Variants in SLC25A27 observed in about 807,000 individuals in gnomAD.
The protein encoded by SLC25A27 is solute carrier family 25 member 27.
SLC25A27 carries 35 observed loss-of-function variants against 49.1 expected under a neutral mutation model. That is an observed-to-expected ratio of 0.71 (90% CI 0.54 to 0.95). The LOEUF is 0.95. SLC25A27 is among the 40% of genes least tolerant of loss of function. The pLI, the probability that SLC25A27 is intolerant of heterozygous loss-of-function variation, is 0.00. For synonymous variants in SLC25A27, 144 were observed against 136.9 expected, an observed-to-expected ratio of 1.05 and a Z score of -0.36; for missense variants, 339 against 397.1, an observed-to-expected ratio of 0.85 and a Z score of 1.24.
intron 8 of SLC25A27, among the ~76,000 whole-genome samples, chr6:46,675,612 C>A (rs1199230267): frequency 6.6e-6 from 1 of 152,196 alleles, no homozygotes; most frequent in Non-Finnish European, 1.5e-5. Flanking sequence ...GAGCTACTCT[C>A]TGTTCAATTT....
intron 2 of SLC25A27, among the ~76,000 whole-genome samples, chr6:46,657,160 C>CATATTTCTAAAAAT (rs1763012114): frequency 1.3e-5 from 2 of 152,064 alleles, no homozygotes; most frequent in African/African-American, 4.8e-5. Flanking sequence ...AACAAGACCC[C>CATATTTCTAAAAAT]ATCTCTAAAA....
Position 46,664,844 on chromosome 6 carries a change from TG to T in SLC25A27, c.580del (p.Val194TyrfsTer10). 6.2e-7 allele frequency: 1 copy of T among 1,608,320 alleles called. No homozygotes were observed. The highest frequency in any genetic ancestry group is 8.5e-7 in the Non-Finnish European group (1 of 1,176,890). ...AGGAATACGAGGGCTTTGGGCAGGC[TG>T]GGTACCCAATATACAAAGAGCAGCA... ...EGGIRGLWAG[W>X]VPNIQRAALV... is the part of the protein sequence containing the mutation. On this transcript the variant is annotated frameshift_variant, in exon 5 of 9. Coordinates refer to ENST00000371347, the MANE Select transcript of SLC25A27 (RefSeq NM_004277.5). LOFTEE classifies it high-confidence loss of function.
intron 7 of SLC25A27, 129 bp from the exon 8 acceptor site, chr6:46,670,997 T>C (rs1366177707): frequency 3.3e-6 from 2 of 598,344 alleles, no homozygotes; most frequent in Non-Finnish European, 5.8e-6. Flanking sequence ...CCCAAAGTGC[T>C]GGGATTACAG....
At chr6:46,664,419 T>C (rs1763260176) in intron 4 of SLC25A27, among the ~76,000 whole-genome samples, 1 of 152,178 alleles carries the variant, frequency 6.6e-6, no homozygotes, top group Non-Finnish European at 1.5e-5. Context: ...ACCAGTAAAA[T>C]TAACCCAGAA....
At chr6:46,672,789 T>C (rs1049422820) in intron 8 of SLC25A27, among the ~76,000 whole-genome samples, 3 of 152,334 alleles carry the variant, frequency 2.0e-5, no homozygotes, top group African/African-American at 7.2e-5. Context: ...TATTGGTCTA[T>C]GTCTTAGGAG....
chr6:46,675,958 C>T lies in SLC25A27; in HGVS notation c.901-425C>T, dbSNP rs545907274. ...AGTTCTAAAGTGACTTATTTTTATG[C>T]TCCATATACAAACTAGATATAGAAA... On this transcript the variant is annotated intron_variant, in intron 8 of 8. Coordinates refer to ENST00000371347, the MANE Select transcript of SLC25A27 (RefSeq NM_004277.5). Among the ~76,000 whole-genome samples, 4 of 152,214 alleles carry T rather than the reference C, an allele frequency of 2.6e-5. No homozygotes were observed. In the South Asian group the frequency reaches 6.2e-4, roughly 24 times the overall value.
chr6:46,670,320 T>A (rs1582513095), intron 7 of SLC25A27, 93 bp downstream of exon 7: 1 of 814,406 alleles, frequency 1.2e-6, no homozygotes, highest in East Asian at 2.9e-5. Flanking sequence ...TTGATAGAAA[T>A]GTATTTGTGT....
intron 2 of SLC25A27, among the ~76,000 whole-genome samples, chr6:46,656,973 C>T (rs1160085358): frequency 2.0e-5 from 3 of 152,120 alleles, no homozygotes; most frequent in Non-Finnish European, 4.4e-5. Context: ...CGAGACCAGC[C>T]TGAGCAAGAT....
intron 2 of SLC25A27, 49 bp downstream of exon 2, chr6:46,656,083 G>A (rs1243577993): frequency 1.3e-6 from 2 of 1,485,206 alleles, no homozygotes; most frequent in East Asian, 4.7e-5. Flanking sequence ...TTCTGTGTTT[G>A]TCTCCTGTGC....
chr6:46,674,324 A>C (rs535711772), intron 8 of SLC25A27, among the ~76,000 whole-genome samples: 2 of 152,290 alleles, frequency 1.3e-5, no homozygotes, highest in Non-Finnish European at 2.9e-5. Flanking sequence ...AGAGTATAAG[A>C]AGCTTGCCCA....
intron 1 of SLC25A27, chr6:46,654,118 G>A (rs866279594): frequency 2.0e-6 from 2 of 985,296 alleles, no homozygotes; most frequent in Middle Eastern, 5.2e-4. Context: ...TGAGCAAGTA[G>A]CGTTTATTCC....
At chr6:46,668,295 G>A (rs1053392086) in intron 5 of SLC25A27, among the ~76,000 whole-genome samples, 5 of 152,292 alleles carry the variant, frequency 3.3e-5, no homozygotes, top group African/African-American at 9.6e-5. Flanking sequence ...CCGCGATCAC[G>A]CCACTGCACT....
chr6:46,676,696 T>C lies in SLC25A27; in HGVS notation c.*242T>C, dbSNP rs2150665248. Reference sequence around the variant, plus strand: ...CATCCAATGAGACCCCGCACAGCATTTTCTAAAGAAGAATCGAAGCCTGAC... The same window carrying C: ...CATCCAATGAGACCCCGCACAGCATCTTCTAAAGAAGAATCGAAGCCTGAC... On this transcript the variant is annotated 3_prime_UTR_variant, in exon 9 of 9. Transcript: ENST00000371347. 6.4e-7 allele frequency: 1 copy of C among 1,550,466 alleles called. No homozygotes were observed. The highest frequency in any genetic ancestry group is 8.7e-7 in the Non-Finnish European group (1 of 1,146,756).
intron 5 of SLC25A27, among the ~76,000 whole-genome samples, chr6:46,665,895 A>T (rs540766436): frequency 1.4e-4 from 21 of 152,206 alleles, no homozygotes; most frequent in Non-Finnish European, 2.1e-4. Context: ...TGGTGTCCCT[A>T]AAACTTGTCA....
chr6:46,676,657 G>A lies in SLC25A27; in HGVS notation c.*203G>A, dbSNP rs577543166. 1.2e-4 allele frequency: 183 copies of A among 1,550,768 alleles called. 1 individual carries two copies. The South Asian group carries it at 1.4e-3, about 12-fold the overall frequency. On this transcript the variant is annotated 3_prime_UTR_variant, in exon 9 of 9. Transcript: ENST00000371347. ...CTTTTTGTCCAAAAGTGATCTGGTC[G>A]GATCTCACAAGGCCATCCAATGAGA...
chr6:46,678,164 A>C lies in SLC25A27; in HGVS notation c.*1710A>C, dbSNP rs1228871270. 4 of 151,722 alleles carry C rather than the reference A, an allele frequency of 2.6e-5. No individual in the cohort carries two copies. In the East Asian group the frequency reaches 7.8e-4, roughly 30 times the overall value. The allele number at this position is 151,722 out of a possible 1,614,324, so 9.4% of individuals were successfully genotyped here. On this transcript the variant is annotated 3_prime_UTR_variant, in exon 9 of 9. Transcript: ENST00000371347. ...AAAATTAAGTAAAGACTGGATCAAA[A>C]TAATTGCATCCAACCTGGACCGTGA...
rs1345668420 is a variant in SLC25A27, at chr6:46,655,838, G to A, written c.107-5G>A. 1.3e-6 allele frequency: 2 copies of A among 1,594,656 alleles called. No individual in the cohort carries two copies. The highest frequency in any genetic ancestry group is 1.7e-6 in the Non-Finnish European group (2 of 1,173,894). On this transcript the variant is annotated splice_region_variant and splice_polypyrimidine_tract_variant and intron_variant, in intron 1 of 8. Transcript: ENST00000371347. ...GGTTTTTCCCTGCATTTGTGTTTTT[G>A]TTAGCAACCTTTCCCCTGGATCTCA...
chr6:46,676,145 G>T (rs528547519), intron 8 of SLC25A27, among the ~76,000 whole-genome samples: 1 of 152,120 alleles, frequency 6.6e-6, no homozygotes, highest in African/African-American at 2.4e-5. Context: ...TGAAAATCAG[G>T]GATATTAATA....
chr6:46,653,711 G>T, intron 1 of SLC25A27: 2 of 985,278 alleles, frequency 2.0e-6, no homozygotes, highest in Non-Finnish European at 2.4e-6. Flanking sequence ...GGTCCAAGTT[G>T]TGGACCTACC....
Sources: allele counts gnomAD v4.1 joint callset (sites outside exome capture counted in the v4.1 genomes callset), GRCh38; gene constraint gnomAD v4.1.1; transcripts MANE v1.5; gene names NCBI Gene and HGNC (gene_info 2026-07-23, HGNC 2026-07-21).